ASCL5: variants seen among roughly 807,000 people sequenced by gnomAD.
ASCL5 encodes achaete-scute family bHLH transcription factor 5, also known as achaete-scute homolog 5.
For missense variants in ASCL5, 262 were observed against 268.9 expected (o/e 0.97, Z 0.18); for synonymous variants, 124 against 131.5 (o/e 0.94, Z 0.39).
chr1:201,124,698 C>T lies in ASCL5; in HGVS notation c.-506+2386G>A, dbSNP rs1034608302. 9.8e-5 allele frequency among the ~76,000 whole-genome samples: 15 copies of T among 152,294 alleles called. No homozygotes were observed. The East Asian group carries it at 1.7e-3, about 18-fold the overall frequency. On this transcript the variant is annotated intron_variant, in intron 1 of 1. Coordinates refer to ENST00000449188, the MANE Select transcript of ASCL5 (RefSeq NM_001270601.2). Reference sequence around the variant, plus strand: ...TGCAGCTGCAGGGCTGGAGGGGAGACGGTGCCCGTAATGAGGGAAGGAGAT... The same window carrying T: ...TGCAGCTGCAGGGCTGGAGGGGAGATGGTGCCCGTAATGAGGGAAGGAGAT...
Position 201,119,125 on chromosome 1 carries a change from A to G in ASCL5, c.-505-3248T>C, listed in dbSNP as rs573324484. 3.3e-5 allele frequency among the ~76,000 whole-genome samples: 5 copies of G among 152,346 alleles called. No homozygotes were observed. The South Asian group carries it at 6.2e-4, about 19-fold the overall frequency. ...AGGGGATGTCCCGCTGAAGATTCCA[A>G]TTATAATGCTGTTATTTAGCTTCTG... is the stretch of plus-strand genomic sequence containing the variant. On this transcript the variant is annotated intron_variant, in intron 1 of 1. Transcript: ENST00000449188.
rs1423730043 is a variant in ASCL5 at position 201,122,760 on chromosome 1, C to G, written c.-506+4324G>C. ...GCTGTGGAGTTATGGGAAGATGTTC[C>G]CAGAGGCAACCACCCCACTGCTAAA... On this transcript the variant is annotated intron_variant, in intron 1 of 1. Transcript: ENST00000449188. 6.6e-5 allele frequency among the ~76,000 whole-genome samples: 10 copies of G among 152,158 alleles called. No individual in the cohort carries two copies. In the East Asian group the frequency reaches 1.9e-3, roughly 29 times the overall value.
intron 1 of ASCL5, among the ~76,000 whole-genome samples, chr1:201,119,904 C>T (rs1354151335): frequency 6.6e-6 from 1 of 152,084 alleles, no homozygotes; most frequent in Non-Finnish European, 1.5e-5. Context: ...TTTAAGGGGC[C>T]CTGGTTCCTC....
chr1:201,114,584 C>A lies in ASCL5; in HGVS notation c.*168G>T. On this transcript the variant is annotated 3_prime_UTR_variant, in exon 2 of 2. Transcript: ENST00000449188. ...CGTACCCGCTGCCCTGCACTTCCGC[C>A]CCAAGCTGGTGGAGGAGGGAGGGTG... is the stretch of plus-strand genomic sequence containing the variant. 1 of 547,468 alleles carries A rather than the reference C, an allele frequency of 1.8e-6. No homozygotes were observed. The highest frequency in any genetic ancestry group is 2.7e-6 in the Non-Finnish European group (1 of 366,332). 33.9% of individuals were successfully genotyped at this position (547,468 alleles called of 1,614,324 possible).
At chr1:201,126,838 G>A (rs1313762032) in intron 1 of ASCL5, among the ~76,000 whole-genome samples, 3 of 152,216 alleles carry the variant, frequency 2.0e-5, no homozygotes, top group Admixed American at 1.3e-4. Context: ...GAAAATGCCC[G>A]CTCAGTGGCA....
rs1045242972 is a variant in ASCL5 at position 201,114,137 on chromosome 1, C to G, written c.*615G>C. ...GGGAGGGAGTAACCCCCCCTCCCAA[C>G]CCAGGAAGCCAGAGAACGCCACCGG... On this transcript the variant is annotated 3_prime_UTR_variant, in exon 2 of 2. Coordinates refer to ENST00000449188, the MANE Select transcript of ASCL5 (RefSeq NM_001270601.2). 6.7e-6 allele frequency: 1 copy of G among 150,050 alleles called. No homozygotes were observed. Among genetic ancestry groups the G allele is most frequent in the Non-Finnish European group, 1.5e-5 (1 of 67,432 alleles). 9.3% of individuals were successfully genotyped at this position (150,050 alleles called of 1,614,324 possible). A position where few individuals can be genotyped will look rare whatever the true frequency, so the allele number is the denominator to read the frequency against.
chr1:201,123,288 C>T lies in ASCL5; in HGVS notation c.-506+3796G>A, dbSNP rs536324372. 1.1e-4 allele frequency among the ~76,000 whole-genome samples: 17 copies of T among 152,298 alleles called. No individual in the cohort carries two copies. The South Asian group carries it at 3.5e-3, about 32-fold the overall frequency. On this transcript the variant is annotated intron_variant, in intron 1 of 1. Transcript: ENST00000449188. ...ACCGTGTGTTCTATCGCCTGTCAAT[C>T]CACCTACCAAATAACATCTCCTGAG...
At position 201,114,801 on chromosome 1, in the gene ASCL5, G is replaced by A. The variant is rs1476173565; in HGVS notation, c.572C>T (p.Ser191Phe). 1.3e-5 allele frequency: 16 copies of A among 1,230,796 alleles called. No homozygotes were observed. The highest frequency in any genetic ancestry group is 1.5e-5 in the Non-Finnish European group (15 of 987,484). The allele number at this position is 1,230,796 out of a possible 1,614,324, so 76.2% of individuals were successfully genotyped here. ...SSLVPESSES[S>F]CFSPSPFLES... The stretch of plus-strand genomic sequence containing the variant: ...CAAGAAAGGCGACGGGGAGAAGCAG[G>A]AGGACTCGGATGACTCCGGCACCAG... Residue 191 changes from serine to phenylalanine, a missense_variant, in exon 2 of 2, where the codon TCC becomes TTC. Transcript: ENST00000449188.
At chr1:201,122,101 T>G (rs1013734909) in intron 1 of ASCL5, among the ~76,000 whole-genome samples, 23 of 152,180 alleles carry the variant, frequency 1.5e-4, no homozygotes, top group African/African-American at 5.1e-4. Flanking sequence ...AAATGATGCT[T>G]CATGCTCTGG....
At chr1:201,116,004 G>T (rs1016853418) in intron 1 of ASCL5, 127 bp from the exon 2 acceptor site, 62 of 152,224 alleles carry the variant, frequency 4.1e-4, no homozygotes, top group African/African-American at 1.4e-3. Context: ...GCTACTGAAG[G>T]GGCACAGATC....
At chr1:201,121,470 T>G (rs1663461178) in intron 1 of ASCL5, among the ~76,000 whole-genome samples, 2 of 152,178 alleles carry the variant, frequency 1.3e-5, no homozygotes, top group Admixed American at 6.5e-5. Flanking sequence ...ACATTTTCCT[T>G]TAGGAATTCA....
chr1:201,116,488 A>T (rs1233807039), intron 1 of ASCL5, among the ~76,000 whole-genome samples: 1 of 151,966 alleles, frequency 6.6e-6, no homozygotes, highest in East Asian at 1.9e-4. Context: ...ATGGCACCTA[A>T]TGGAGCTGTC....
rs555910802 is a variant in ASCL5, at chr1:201,117,178, G to A, written c.-505-1301C>T. On this transcript the variant is annotated intron_variant, in intron 1 of 1. Coordinates refer to ENST00000449188, the MANE Select transcript of ASCL5 (RefSeq NM_001270601.2). ...AGGCCGGGCATGGTGGCTCACGCCTGTAGTCCCAGCACTTTGGGAGGCTGA... is the reference window on the plus strand; with the variant it reads ...AGGCCGGGCATGGTGGCTCACGCCTATAGTCCCAGCACTTTGGGAGGCTGA... Among the ~76,000 whole-genome samples the A allele has an allele frequency of 7.9e-5, 12 of 152,340 alleles. No individual in the cohort carries two copies. In the East Asian group the frequency reaches 1.7e-3, roughly 22 times the overall value.
chr1:201,115,173 AC>A lies in ASCL5; in HGVS notation c.199del (p.Val67CysfsTer66). On this transcript the variant is annotated frameshift_variant, in exon 2 of 2. Coordinates refer to ENST00000449188, the MANE Select transcript of ASCL5 (RefSeq NM_001270601.2). LOFTEE classifies it low-confidence loss of function (END_TRUNC). ...GACCCCGAAGGCGCCGGGGAAGGGC[AC>A]GTAGGGGAACACCCCCGCATAGGCG... ...YDAYAGVFPY[V>X]PFPGAFGVYE... The A allele has an allele frequency of 8.1e-7, 1 of 1,231,606 alleles. No individual in the cohort carries two copies. The highest frequency in any genetic ancestry group is 1.0e-6 in the Non-Finnish European group (1 of 987,928). 76.3% of individuals were successfully genotyped at this position (1,231,606 alleles called of 1,614,324 possible).
At chr1:201,126,681 G>C (rs1663586469) in intron 1 of ASCL5, among the ~76,000 whole-genome samples, 1 of 152,228 alleles carries the variant, frequency 6.6e-6, no homozygotes, top group African/African-American at 2.4e-5. Flanking sequence ...CAACAATTAA[G>C]TAATGGAGCT....
intron 1 of ASCL5, among the ~76,000 whole-genome samples, chr1:201,117,728 G>A (rs906267511): frequency 2.6e-5 from 4 of 152,162 alleles, no homozygotes; most frequent in East Asian, 1.9e-4. Flanking sequence ...CTGCCTGAGC[G>A]CTCCGGCTTC....
At chr1:201,123,249 A>C (rs1389762867) in intron 1 of ASCL5, among the ~76,000 whole-genome samples, 1 of 152,194 alleles carries the variant, frequency 6.6e-6, no homozygotes, top group East Asian at 1.9e-4. Context: ...ATTCTAATAA[A>C]TTGAATTTAT....
chr1:201,117,732 C>T (rs1342809696), intron 1 of ASCL5, among the ~76,000 whole-genome samples: 8 of 152,158 alleles, frequency 5.3e-5, no homozygotes, highest in African/African-American at 1.2e-4. Context: ...CTGAGCGCTC[C>T]GGCTTCCAAC....
At chr1:201,117,134 T>C (rs890578526) in intron 1 of ASCL5, among the ~76,000 whole-genome samples, 1 of 152,192 alleles carries the variant, frequency 6.6e-6, no homozygotes, top group African/African-American at 2.4e-5. Context: ...GACTTAGGTA[T>C]GCTCTCAAAA....
Sources: gnomAD v4.1 joint callset for allele counts (sites outside exome capture counted in the v4.1 genomes callset) on GRCh38, gnomAD v4.1.1 for gene constraint, MANE v1.5 for transcripts, NCBI Gene and HGNC (gene_info 2026-07-23, HGNC 2026-07-21) for gene names.